THSD4: variants seen among roughly 807,000 people sequenced by gnomAD.
The protein encoded by THSD4 is thrombospondin type 1 domain containing 4.
A neutral mutation model predicts 119.0 loss-of-function variants in THSD4; 69 were observed. The ratio of observed to expected loss-of-function variants is 0.58; its 90% CI spans 0.48 to 0.71. The LOEUF is 0.71. THSD4 is among the 30% of genes least tolerant of loss of function. The pLI is 0.00. For synonymous variants in THSD4, 524 were observed against 540.4 expected, an observed-to-expected ratio of 0.97 and a Z score of 0.42; for missense variants, 1,393 against 1,391.1, an observed-to-expected ratio of 1.00 and a Z score of -0.02.
intron 10 of THSD4, among the ~76,000 whole-genome samples, chr15:71,737,249 G>A (rs191941378): frequency 2.6e-5 from 4 of 152,298 alleles, no homozygotes; most frequent in Admixed American, 2.6e-4. Context: ...TTTCAAATTT[G>A]GATAAATAAT....
At chr15:71,638,092 T>C (rs2050785200) in intron 7 of THSD4, among the ~76,000 whole-genome samples, 2 of 152,186 alleles carry the variant, frequency 1.3e-5, no homozygotes, top group South Asian at 4.1e-4. Context: ...TTTTATATTA[T>C]GTTTATTTTA....
At chr15:71,271,384 T>A (rs1469386988) in intron 6 of THSD4, among the ~76,000 whole-genome samples, 1 of 152,242 alleles carries the variant, frequency 6.6e-6, no homozygotes, top group African/African-American at 2.4e-5. Context: ...GAGCACATAC[T>A]GTCTGATTCC....
At chr15:71,734,280 T>C (rs2053039152) in intron 10 of THSD4, among the ~76,000 whole-genome samples, 1 of 151,986 alleles carries the variant, frequency 6.6e-6, no homozygotes, top group South Asian at 2.1e-4. Flanking sequence ...CTTCAGTAGG[T>C]GGATAGACAA....
At chr15:71,150,953 A>G (rs1435022057) in intron 2 of THSD4, among the ~76,000 whole-genome samples, 1 of 152,214 alleles carries the variant, frequency 6.6e-6, no homozygotes, top group Non-Finnish European at 1.5e-5. Context: ...CTGGGGAATA[A>G]AGTAGTGACA....
chr15:71,108,409 T>C (rs2040282971), intron 1 of THSD4, among the ~76,000 whole-genome samples: 1 of 152,200 alleles, frequency 6.6e-6, no homozygotes, highest in African/African-American at 2.4e-5. Flanking sequence ...AGAAAAATAA[T>C]AACCTGATTA....
intron 6 of THSD4, among the ~76,000 whole-genome samples, chr15:71,326,700 A>AAATATATATATATATATATATATAT (rs1555464320): frequency 1.5e-4 from 1 of 6,454 alleles, no homozygotes; most frequent in Non-Finnish European, 3.6e-4. Flanking sequence ...AAAAAAAAAA[A>AAATATATATATATATATATATATAT]ATATATATAT....
At chr15:71,139,416 G>A (rs2040580884) in intron 1 of THSD4, among the ~76,000 whole-genome samples, 1 of 152,308 alleles carries the variant, frequency 6.6e-6, no homozygotes, top group South Asian at 2.1e-4. Context: ...ACTTGGTGCA[G>A]ACCTGTTCTG....
chr15:71,429,231 C>T lies in THSD4; in HGVS notation c.1152+17408C>T, dbSNP rs111890616. On this transcript the variant is annotated intron_variant, in intron 7 of 17. Coordinates refer to ENST00000261862, the MANE Select transcript of THSD4 (RefSeq NM_024817.3). ...TCAATGGGATACAGATGTTTATATA[C>T]CCTTCTCCATAGAGGAAAGAGATGG... Among the ~76,000 whole-genome samples, 838 of 152,270 alleles carry T rather than the reference C, an allele frequency of 5.5e-3. 7 individuals are homozygous for T. The highest frequency in any genetic ancestry group is 0.019 in the African/African-American group (773 of 41,550).
intron 3 of THSD4, among the ~76,000 whole-genome samples, chr15:71,184,935 C>G (rs1380178512): frequency 1.3e-5 from 2 of 151,742 alleles, no homozygotes; most frequent in African/African-American, 4.8e-5. Flanking sequence ...TTTTTTGGCT[C>G]TCCCTATGCT....
rs148140573 is a variant in THSD4 at position 71,318,842 on chromosome 15, G to A, written c.1015+62127G>A. Among the ~76,000 whole-genome samples the A allele has an allele frequency of 7.2e-5, 11 of 152,330 alleles. No homozygotes were observed. The East Asian group carries it at 2.1e-3, about 29-fold the overall frequency. On this transcript the variant is annotated intron_variant, in intron 6 of 17. Coordinates refer to ENST00000261862, the MANE Select transcript of THSD4 (RefSeq NM_024817.3). Reference sequence around the variant, plus strand: ...GAACCTGAGAGGCAGGAGGGCTGGGGAGGCAGAGTACAGCAGTGGAGAGAA... The same window carrying A: ...GAACCTGAGAGGCAGGAGGGCTGGGAAGGCAGAGTACAGCAGTGGAGAGAA...
In THSD4 at chr15:71,675,248, A is replaced by G. The variant is rs540741586; in HGVS notation, c.1357+14514A>G. On this transcript the variant is annotated intron_variant, in intron 8 of 17. Transcript: ENST00000261862. ...GAGTCCTTTCTTGCTTTCTTAATAC[A>G]TGGCAGAAGAATAAAGGACAGAAAA... is the stretch of plus-strand genomic sequence containing the variant. 4.4e-4 allele frequency among the ~76,000 whole-genome samples: 67 copies of G among 152,306 alleles called. No individual in the cohort carries two copies. In the South Asian group the frequency reaches 0.011, roughly 25 times the overall value.
At chr15:71,639,397 G>T (rs28523460) in intron 7 of THSD4, among the ~76,000 whole-genome samples, 176 of 152,238 alleles carry the variant, frequency 1.2e-3, no homozygotes, top group African/African-American at 4.0e-3. Flanking sequence ...GCCCCCATTT[G>T]CAATACAGGA....
At chr15:71,278,960 GC>G (rs776624893) in intron 6 of THSD4, among the ~76,000 whole-genome samples, 2 of 152,190 alleles carry the variant, frequency 1.3e-5, no homozygotes, top group Non-Finnish European at 2.9e-5. Context: ...CCAGGAAACA[GC>G]TTTCATCTAA....
intron 5 of THSD4, among the ~76,000 whole-genome samples, chr15:71,250,587 G>A (rs2044249339): frequency 6.6e-6 from 1 of 152,128 alleles, no homozygotes; most frequent in Admixed American, 6.5e-5. Flanking sequence ...CAAAGTGCTG[G>A]GATCACAGGC....
At chr15:71,682,608 C>T (rs1297714095) in intron 8 of THSD4, among the ~76,000 whole-genome samples, 1 of 147,832 alleles carries the variant, frequency 6.8e-6, no homozygotes, top group Non-Finnish European at 1.5e-5. Flanking sequence ...TTAACATTTA[C>T]CTTGGAGTAG....
At chr15:71,772,369 C>G (rs2053837487) in intron 17 of THSD4, among the ~76,000 whole-genome samples, 1 of 151,278 alleles carries the variant, frequency 6.6e-6, no homozygotes. Flanking sequence ...CAGTAGCTAC[C>G]AAAAAAACCC....
At chr15:71,336,895 CA>C (rs2140381713) in intron 6 of THSD4, among the ~76,000 whole-genome samples, 1 of 152,298 alleles carries the variant, frequency 6.6e-6, no homozygotes, top group African/African-American at 2.4e-5. Flanking sequence ...TCCTTCATGT[CA>C]ACTGAAGGTA....
At chr15:71,337,892 T>C (rs1444049192) in intron 6 of THSD4, among the ~76,000 whole-genome samples, 2 of 152,206 alleles carry the variant, frequency 1.3e-5, no homozygotes, top group African/African-American at 2.4e-5. Context: ...CTAATGACTG[T>C]GGGCAACTTT....
At chr15:71,297,770 T>C (rs1250285244) in intron 6 of THSD4, among the ~76,000 whole-genome samples, 1 of 152,182 alleles carries the variant, frequency 6.6e-6, no homozygotes, top group East Asian at 1.9e-4. Context: ...GACTGCACCC[T>C]GCTCTTTTGC....
Sources: allele counts gnomAD v4.1 joint callset (sites outside exome capture counted in the v4.1 genomes callset), GRCh38; gene constraint gnomAD v4.1.1; transcripts MANE v1.5; gene names NCBI Gene and HGNC (gene_info 2026-07-23, HGNC 2026-07-21).